The following LRRC8D variants were observed in gnomAD, a reference collection of about 807,000 sequenced individuals.
LRRC8D encodes the protein leucine rich repeat containing 8 VRAC subunit D.
In LRRC8D, 20 loss-of-function variants were observed where a neutral mutation model predicts 55.8. That is an observed-to-expected ratio of 0.36 (90% CI 0.25 to 0.52). The LOEUF is 0.52. Ranked by LOEUF, LRRC8D falls within the 20% of genes least tolerant of loss-of-function variation. LRRC8D has a pLI of 0.93. For synonymous variants in LRRC8D, 352 were observed against 377.0 expected (o/e 0.93, Z 0.77); for missense variants, 651 against 1,030.8 (o/e 0.63, Z 5.05).
At chr1:89,910,551 A>G (rs1663110535) in intron 2 of LRRC8D, among the ~76,000 whole-genome samples, 1 of 151,966 alleles carries the variant, frequency 6.6e-6, no homozygotes, top group African/African-American at 2.4e-5. Context: ...ATTTTTTTTA[A>G]TTTGTAGAAG....
At chr1:89,870,938 C>T (rs1019941722) in intron 2 of LRRC8D, among the ~76,000 whole-genome samples, 15 of 152,266 alleles carry the variant, frequency 9.9e-5, no homozygotes, top group South Asian at 4.1e-4. Context: ...TTCTGTAGGA[C>T]GCTGAAATAC....
intron 2 of LRRC8D, among the ~76,000 whole-genome samples, chr1:89,870,842 T>A (rs1360700083): frequency 6.6e-6 from 1 of 152,212 alleles, no homozygotes; most frequent in East Asian, 1.9e-4. Flanking sequence ...CCAATTTAGC[T>A]TTGTGAACAT....
At position 89,933,986 on chromosome 1, in the gene LRRC8D, A is replaced by G; in HGVS notation, c.918A>G (p.Lys306=). Residue 306 remains lysine, a synonymous_variant, in exon 3 of 3, where the codon AAA becomes AAG. Transcript: ENST00000337338. This position sits in a 1 kb window ranked among gnomAD's most constrained non-coding sequence, Gnocchi z 7.0. ...AHVEDSDLIY[K]LYVVQTVIKT... ...TGGAAGATAGTGACTTGATCTATAA[A>G]CTCTATGTGGTCCAAACAGTTATCA... The G allele has an allele frequency of 6.2e-7, 1 of 1,614,062 alleles. No homozygotes were observed. The highest frequency in any genetic ancestry group is 8.5e-7 in the Non-Finnish European group (1 of 1,180,018).
Position 89,933,901 on chromosome 1 carries a change from A to G in LRRC8D, c.833A>G (p.Lys278Arg), listed in dbSNP as rs192939284. 1 of 1,613,914 alleles carries G rather than the reference A, an allele frequency of 6.2e-7. No individual in the cohort carries two copies. Among genetic ancestry groups the G allele is most frequent in the East Asian group, 2.2e-5 (1 of 44,876 alleles). ...IEVPSMTILD[K>R]KDGEQAKALF... Reference sequence around the variant, plus strand: ...GTTCCCAGCATGACAATCCTGGATAAAAAGGATGGAGAGCAGGCCAAAGCC... The same window carrying G: ...GTTCCCAGCATGACAATCCTGGATAGAAAGGATGGAGAGCAGGCCAAAGCC... Residue 278 changes from lysine to arginine, a missense_variant, in exon 3 of 3, where the codon AAA becomes AGA. By Grantham distance (26) the Lys-to-Arg change is conservative. Transcript: ENST00000337338. This position sits in a 1 kb window ranked among gnomAD's most constrained non-coding sequence, Gnocchi z 7.0.
chr1:89,924,462 C>A (rs1272632607), intron 2 of LRRC8D, among the ~76,000 whole-genome samples: 1 of 152,194 alleles, frequency 6.6e-6, no homozygotes, highest in African/African-American at 2.4e-5. Flanking sequence ...TTACGCACTG[C>A]TGGTGGGGAT....
intron 2 of LRRC8D, among the ~76,000 whole-genome samples, chr1:89,928,091 C>T (rs1041641400): frequency 2.0e-5 from 3 of 152,138 alleles, no homozygotes; most frequent in South Asian, 2.1e-4. Context: ...GTTTTTGAGA[C>T]GGGAGTCTTG....
chr1:89,838,232 G>C (rs950267328), intron 1 of LRRC8D, among the ~76,000 whole-genome samples: 3 of 151,110 alleles, frequency 2.0e-5, no homozygotes, highest in African/African-American at 7.3e-5. Flanking sequence ...AGAAAAATTA[G>C]CTGGATGTGG....
chr1:89,909,467 T>C (rs1663076341), intron 2 of LRRC8D, among the ~76,000 whole-genome samples: 1 of 151,502 alleles, frequency 6.6e-6, no homozygotes, highest in Non-Finnish European at 1.5e-5. Context: ...CCAGTGCCAT[T>C]TTTTTTTTCA....
At chr1:89,902,023 T>A (rs2100912738) in intron 2 of LRRC8D, among the ~76,000 whole-genome samples, 1 of 152,350 alleles carries the variant, frequency 6.6e-6, no homozygotes, top group East Asian at 1.9e-4. Context: ...CTATAGCACT[T>A]TCTAGGTGAG....
At chr1:89,920,445 GT>G (rs1331226482) in intron 2 of LRRC8D, among the ~76,000 whole-genome samples, 1 of 151,776 alleles carries the variant, frequency 6.6e-6, no homozygotes, top group Admixed American at 6.6e-5. Context: ...TATAAGGAGT[GT>G]TTTTTTAAAT....
chr1:89,934,909 C>T lies in LRRC8D; in HGVS notation c.1841C>T (p.Thr614Ile). The change falls in exon 3 of 3, where the codon ACA (threonine) becomes ATA (isoleucine). Residue 614 changes from threonine to isoleucine, a missense_variant. By Grantham distance (89) the Thr-to-Ile change is moderately conservative. Transcript: ENST00000337338. This position sits in a 1 kb window ranked among gnomAD's most constrained non-coding sequence, Gnocchi z 5.9. ...ATTACAGATGTGGCTCCACATCTTA[C>T]AAAGTTAGTCATTCATAATGACGGC... is the stretch of plus-strand genomic sequence containing the variant. Reference protein sequence around the residue: ...SNITDVAPHLTKLVIHNDGTK... With the variant: ...SNITDVAPHLIKLVIHNDGTK... 1 of 1,614,108 alleles carries T rather than the reference C, an allele frequency of 6.2e-7. No homozygotes were observed. Among genetic ancestry groups the T allele is most frequent in the South Asian group, 1.1e-5 (1 of 91,080 alleles).
chr1:89,871,449 CCTTCCCT>C (rs1343241818), intron 2 of LRRC8D, among the ~76,000 whole-genome samples: 4 of 152,138 alleles, frequency 2.6e-5, no homozygotes, highest in Admixed American at 2.6e-4. Context: ...GCAGATACCC[CCTTCCCT>C]CTCCTAAAAA....
Position 89,911,609 on chromosome 1 carries a change from C to T in LRRC8D, c.-2-21458C>T, listed in dbSNP as rs1158884734. Among the ~76,000 whole-genome samples, 1 of 152,126 alleles carries T rather than the reference C, an allele frequency of 6.6e-6. No individual in the cohort carries two copies. The highest frequency in any genetic ancestry group is 1.5e-5 in the Non-Finnish European group (1 of 68,040). On this transcript the variant is annotated intron_variant, in intron 2 of 2. Coordinates refer to ENST00000337338, the MANE Select transcript of LRRC8D (RefSeq NM_001134479.2). The surrounding 1 kb of genome is among the most constrained non-coding windows in gnomAD (Gnocchi z 4.0). ...CACCCTCCCATCATACCTGCCTCCC[C>T]CGCTTGCTGTTGTACCAGCCTTTTG...
At chr1:89,823,979 T>G (rs1660704707) in intron 1 of LRRC8D, among the ~76,000 whole-genome samples, 1 of 152,186 alleles carries the variant, frequency 6.6e-6, no homozygotes, top group Admixed American at 6.5e-5. Flanking sequence ...GTCAGTGGTG[T>G]TAATCATTTG....
In LRRC8D at chr1:89,887,817, ATTC is replaced by A. The variant is rs199926749; in HGVS notation, c.-3+44044_-3+44046del. The stretch of plus-strand genomic sequence containing the variant: ...TAGGAGGAGAGCCCTATGGCATGGC[ATTC>A]TTCTTCTTATTTTCTTTATAATGTT... On this transcript the variant is annotated intron_variant, in intron 2 of 2. Transcript: ENST00000337338. 2.5e-3 allele frequency among the ~76,000 whole-genome samples: 388 copies of A among 152,328 alleles called. 1 individual carries two copies. Among genetic ancestry groups the A allele is most frequent in the African/African-American group, 8.8e-3 (366 of 41,576 alleles).
At chr1:89,840,209 GCA>G (rs951280313) in intron 1 of LRRC8D, among the ~76,000 whole-genome samples, 17 of 148,526 alleles carry the variant, frequency 1.1e-4, no homozygotes, top group African/African-American at 3.8e-4. Flanking sequence ...ACATACACGT[GCA>G]CACACACACG....
intron 2 of LRRC8D, among the ~76,000 whole-genome samples, chr1:89,854,579 G>A (rs575323396): frequency 2.0e-5 from 3 of 152,246 alleles, no homozygotes; most frequent in African/African-American, 7.2e-5. Context: ...TGGAAGACGG[G>A]GAGTTCTTCC....
At chr1:89,902,973 A>G (rs1662901628) in intron 2 of LRRC8D, among the ~76,000 whole-genome samples, 1 of 152,226 alleles carries the variant, frequency 6.6e-6, no homozygotes, top group African/African-American at 2.4e-5. Flanking sequence ...TTGATTGCTT[A>G]ATGTGCACGG....
intron 2 of LRRC8D, among the ~76,000 whole-genome samples, chr1:89,894,166 AGTCAGCT>A (rs560437417): frequency 1.2e-3 from 188 of 152,358 alleles, no homozygotes; most frequent in African/African-American, 4.4e-3. Flanking sequence ...TAGACAGGGA[AGTCAGCT>A]GTCTGCAATC....
Sources: gnomAD v4.1 joint callset for allele counts (sites outside exome capture counted in the v4.1 genomes callset) on GRCh38, gnomAD v4.1.1 for gene constraint, Gnocchi (gnomAD v3.1) non-coding constraint, MANE v1.5 for transcripts, NCBI Gene and HGNC (gene_info 2026-07-23, HGNC 2026-07-21) for gene names.